Variants in GPATCH2 observed in about 807,000 individuals in gnomAD.
GPATCH2 encodes G patch domain-containing protein 2.
GPATCH2 carries 51 observed loss-of-function variants against 58.0 expected under a neutral mutation model. The observed-to-expected ratio is 0.88, with a 90% CI of 0.70 to 1.11. GPATCH2 has a LOEUF of 1.11. Among genes scored for constraint, GPATCH2 ranks in the 50% most tolerant of loss-of-function variants. The probability of loss-of-function intolerance (pLI) is 0.00; values close to 1 mark genes in which losing one functional copy is unlikely to be tolerated. For synonymous variants in GPATCH2, 222 were observed against 218.5 expected (o/e 1.02, Z -0.14); for missense variants, 625 against 652.2 (o/e 0.96, Z 0.45).
Position 217,566,219 on chromosome 1 carries a change from T to G in GPATCH2, c.1098+44102A>C, listed in dbSNP as rs560304923. Among the ~76,000 whole-genome samples, 12 of 152,168 alleles carry G rather than the reference T, an allele frequency of 7.9e-5. No homozygotes were observed. In the East Asian group the frequency reaches 2.3e-3, roughly 29 times the overall value. On this transcript the variant is annotated intron_variant, in intron 5 of 9. Transcript: ENST00000366935. ...GCAACTTTCTTATAAATATAGAAAT[T>G]TTAGATACTTGACTAGCAGTTATCC...
chr1:217,439,126 A>C (rs1659003271), intron 9 of GPATCH2, among the ~76,000 whole-genome samples: 1 of 152,126 alleles, frequency 6.6e-6, no homozygotes, highest in African/African-American at 2.4e-5. Flanking sequence ...TGGAAGTACA[A>C]CACTCCTCAG....
intron 5 of GPATCH2, among the ~76,000 whole-genome samples, chr1:217,592,108 C>G (rs1470440915): frequency 1.3e-5 from 2 of 151,920 alleles, no homozygotes; most frequent in African/African-American, 4.8e-5. Flanking sequence ...GAAAATGTAT[C>G]TTTTCCTTGC....
intron 8 of GPATCH2, among the ~76,000 whole-genome samples, chr1:217,450,609 T>C (rs1358819514): frequency 6.6e-6 from 1 of 152,126 alleles, no homozygotes; most frequent in Non-Finnish European, 1.5e-5. Context: ...TAGTTTTCTT[T>C]TACCTTTTTA....
chr1:217,501,869 T>G (rs951687757), intron 6 of GPATCH2, among the ~76,000 whole-genome samples: 5 of 152,124 alleles, frequency 3.3e-5, no homozygotes, highest in Non-Finnish European at 7.4e-5. Context: ...TTGCTAGATA[T>G]GTGGTTTGCA....
rs112679714 is a variant in GPATCH2, at chr1:217,613,411, T to C, written c.835+730A>G. Among the ~76,000 whole-genome samples, 631 of 152,264 alleles carry C rather than the reference T, an allele frequency of 4.1e-3. 5 individuals are homozygous for C. Among genetic ancestry groups the C allele is most frequent in the African/African-American group, 0.015 (606 of 41,574 alleles). ...TGTTTTTCACTTGGAACTTACTGTC[T>C]TCCTCTAATGTATTCTTAAGAAAGG... On this transcript the variant is annotated intron_variant, in intron 3 of 9. Coordinates refer to ENST00000366935, the MANE Select transcript of GPATCH2 (RefSeq NM_018040.5).
At chr1:217,440,722 C>T (rs265135) in intron 9 of GPATCH2, among the ~76,000 whole-genome samples, 27,728 of 151,922 alleles carry the variant, frequency 0.18, 2,861 homozygotes, top group African/African-American at 0.29. Context: ...CAATAACAAA[C>T]GGAGAGCCAA....
Position 217,427,530 on chromosome 1 carries a change from TG to T in GPATCH2, c.*3614del, listed in dbSNP as rs1260687372. On this transcript the variant is annotated 3_prime_UTR_variant, in exon 10 of 10. Coordinates refer to ENST00000366935, the MANE Select transcript of GPATCH2 (RefSeq NM_018040.5). ...AAAGACAATGACTACTTATAAATAA[TG>T]TTCTTAAACATTATGTTTTATTCTT... The T allele has an allele frequency of 6.6e-6, 1 of 152,158 alleles. No individual in the cohort carries two copies. Among genetic ancestry groups the T allele is most frequent in the Non-Finnish European group, 1.5e-5 (1 of 67,996 alleles). The allele number at this position is 152,158 out of a possible 1,614,324, so 9.4% of individuals were successfully genotyped here.
In GPATCH2 at chr1:217,427,990, A is replaced by G. The variant is rs559378069; in HGVS notation, c.*3155T>C. The stretch of plus-strand genomic sequence containing the variant: ...GGTATTTAAATGCTGAGACCAATTT[A>G]TTGGCAGATTTTAATTAGCAATGAA... On this transcript the variant is annotated 3_prime_UTR_variant, in exon 10 of 10. Transcript: ENST00000366935. 6.6e-6 allele frequency: 1 copy of G among 152,296 alleles called. No individual in the cohort carries two copies. Among genetic ancestry groups the G allele is most frequent in the East Asian group, 1.9e-4 (1 of 5,190 alleles). The allele number at this position is 152,296 out of a possible 1,614,324, so 9.4% of individuals were successfully genotyped here. A position where few individuals can be genotyped will look rare whatever the true frequency, so the allele number is the denominator to read the frequency against.
In GPATCH2 at chr1:217,453,598, T is replaced by C. The variant is rs1659776676; in HGVS notation, c.1278-4261A>G. On this transcript the variant is annotated intron_variant, in intron 8 of 9. Transcript: ENST00000366935. ...CCATCGTTGGCTGCAGGCTATCTTTTAAATGGGGTGGTGGCAGGAAGCTGG... is the reference window on the plus strand; with the variant it reads ...CCATCGTTGGCTGCAGGCTATCTTTCAAATGGGGTGGTGGCAGGAAGCTGG... Among the ~76,000 whole-genome samples, 6 of 152,148 alleles carry C rather than the reference T, an allele frequency of 3.9e-5. No individual in the cohort carries two copies. In the South Asian group the frequency reaches 8.3e-4, roughly 21 times the overall value.
At position 217,454,328 on chromosome 1, in the gene GPATCH2, G is replaced by A. The variant is rs955754268; in HGVS notation, c.1278-4991C>T. On this transcript the variant is annotated intron_variant, in intron 8 of 9. Coordinates refer to ENST00000366935, the MANE Select transcript of GPATCH2 (RefSeq NM_018040.5). The stretch of plus-strand genomic sequence containing the variant: ...TTTCTGGCCTGGTGCGGTGGCTCAC[G>A]CCTGTAATCCCAGCACCTTGGGAGG... Among the ~76,000 whole-genome samples the A allele has an allele frequency of 3.9e-5, 6 of 152,118 alleles. No individual in the cohort carries two copies. The East Asian group carries it at 5.8e-4, about 15-fold the overall frequency.
At chr1:217,618,423 G>A (rs1669004460) in intron 2 of GPATCH2, among the ~76,000 whole-genome samples, 1 of 151,752 alleles carries the variant, frequency 6.6e-6, no homozygotes, top group South Asian at 2.1e-4. Context: ...GGTCTGGCTG[G>A]TCTCAAACTC....
At chr1:217,584,174 A>C (rs1378645364) in intron 5 of GPATCH2, among the ~76,000 whole-genome samples, 1 of 151,576 alleles carries the variant, frequency 6.6e-6, no homozygotes, top group Non-Finnish European at 1.5e-5. Context: ...AATCAAGACA[A>C]TATTTTCTGT....
At chr1:217,546,501 G>C (rs189860986) in intron 5 of GPATCH2, among the ~76,000 whole-genome samples, 1 of 152,292 alleles carries the variant, frequency 6.6e-6, no homozygotes, top group East Asian at 1.9e-4. Context: ...ACAGAAACAA[G>C]CAATGGTAAA....
intron 8 of GPATCH2, among the ~76,000 whole-genome samples, chr1:217,461,329 G>A (rs1408553485): frequency 6.6e-6 from 1 of 152,162 alleles, no homozygotes; most frequent in African/African-American, 2.4e-5. Flanking sequence ...TTTATGCAGA[G>A]TCTTCTGATA....
chr1:217,514,573 A>C (rs1025426451), intron 6 of GPATCH2, among the ~76,000 whole-genome samples: 2 of 152,244 alleles, frequency 1.3e-5, no homozygotes, highest in African/African-American at 2.4e-5. Flanking sequence ...AAGACAATAC[A>C]TAAATTTCAA....
intron 5 of GPATCH2, among the ~76,000 whole-genome samples, chr1:217,567,957 A>C (rs556275972): frequency 2.8e-4 from 42 of 152,272 alleles, no homozygotes; most frequent in African/African-American, 1.0e-3. Flanking sequence ...TCCACTAAAA[A>C]TACAAAAAAA....
intron 6 of GPATCH2, among the ~76,000 whole-genome samples, chr1:217,506,910 G>C (rs779951944): frequency 3.9e-5 from 6 of 152,148 alleles, no homozygotes; most frequent in Non-Finnish European, 7.3e-5. Context: ...TCAATGTCTA[G>C]TTCAAATTCA....
At chr1:217,545,155 G>C (rs983980735) in intron 5 of GPATCH2, among the ~76,000 whole-genome samples, 6 of 152,160 alleles carry the variant, frequency 3.9e-5, no homozygotes, top group Non-Finnish European at 7.4e-5. Context: ...CTGGAAGAAC[G>C]GTCAATATAT....
intron 8 of GPATCH2, among the ~76,000 whole-genome samples, chr1:217,459,209 G>A (rs1339870837): frequency 6.6e-6 from 1 of 152,094 alleles, no homozygotes; most frequent in Non-Finnish European, 1.5e-5. Context: ...GTTATTCTTA[G>A]ATGCTAAACT....
Sources: allele counts gnomAD v4.1 joint callset (sites outside exome capture counted in the v4.1 genomes callset), GRCh38; gene constraint gnomAD v4.1.1; transcripts MANE v1.5; gene names NCBI Gene and HGNC (gene_info 2026-07-23, HGNC 2026-07-21).